MYO1B: variants seen among roughly 807,000 people sequenced by gnomAD.
MYO1B encodes myosin IB.
Under a neutral mutation model 159.7 loss-of-function variants are expected in MYO1B, and 72 were observed. That is an observed-to-expected ratio of 0.45 (90% CI 0.37 to 0.55). The LOEUF is 0.55. MYO1B is among the 20% of genes least tolerant of loss of function. MYO1B has a pLI of 0.00. For synonymous variants in MYO1B, 468 were observed against 473.8 expected (o/e 0.99, Z 0.16); for missense variants, 1,062 against 1,364.8 (o/e 0.78, Z 3.50).
At chr2:191,354,476 T>G (rs111736003) in intron 7 of MYO1B, among the ~76,000 whole-genome samples, 3,984 of 151,810 alleles carry the variant, frequency 0.026, 168 homozygotes, top group African/African-American at 0.089. Context: ...TCCCAGAAAG[T>G]CAAACAAAAT....
At chr2:191,305,841 G>A (rs1315217024) in intron 3 of MYO1B, among the ~76,000 whole-genome samples, 2 of 152,102 alleles carry the variant, frequency 1.3e-5, no homozygotes. Context: ...CTAGGAGATG[G>A]GATGGAGGAC....
chr2:191,281,831 G>A (rs1049732590), intron 2 of MYO1B, among the ~76,000 whole-genome samples: 8 of 152,156 alleles, frequency 5.3e-5, no homozygotes, highest in Non-Finnish European at 1.0e-4. Flanking sequence ...TATCTGAATT[G>A]TAAGATTGGG....
At chr2:191,313,192 C>CTTTTTTTTTTTTTTTTTTTTTGTTTTTT (rs1690118684) in intron 3 of MYO1B, among the ~76,000 whole-genome samples, 1 of 42,992 alleles carries the variant, frequency 2.3e-5, no homozygotes, top group Non-Finnish European at 3.7e-5. Flanking sequence ...GCACACATGG[C>CTTTTTTTTTTTTTTTTTTTTTGTTTTTT]TTTTTTTTTT....
chr2:191,414,816 T>A, intron 29 of MYO1B, 147 bp downstream of exon 29: 1 of 706,996 alleles, frequency 1.4e-6, no homozygotes, highest in Non-Finnish European at 2.1e-6. Context: ...AATCTCCGAC[T>A]CAGTTTTTCA....
In MYO1B at chr2:191,313,192, CTTTTTTTTTTTTTTTTT is replaced by C. The variant is rs762175060; in HGVS notation, c.252-16724_252-16708del. On this transcript the variant is annotated intron_variant, in intron 3 of 30. Transcript: ENST00000392318. ...TAGTTATAATATCTGGCACACATGGCTTTTTTTTTTTTTTTTTTTTTTTTTTTTTTTTTTTGAGACGG... is the reference window on the plus strand; with the variant it reads ...TAGTTATAATATCTGGCACACATGGCTTTTTTTTTTTTTTTTTTGAGACGG... Among the ~76,000 whole-genome samples, 55 of 43,012 alleles carry C rather than the reference CTTTTTTTTTTTTTTTTT, an allele frequency of 1.3e-3. 1 individual carries two copies. The highest frequency in any genetic ancestry group is 3.0e-3 in the African/African-American group (27 of 9,040). 28.2% of individuals were successfully genotyped at this position (43,012 alleles called of 152,430 possible).
chr2:191,419,532 T>TA (rs753817742), intron 30 of MYO1B, among the ~76,000 whole-genome samples: 20 of 152,248 alleles, frequency 1.3e-4, no homozygotes, highest in Non-Finnish European at 2.8e-4. Context: ...CTGTACTTTT[T>TA]ATCTTTATTT....
intron 1 of MYO1B, among the ~76,000 whole-genome samples, chr2:191,259,893 G>C (rs2125685717): frequency 1.3e-5 from 2 of 152,262 alleles, no homozygotes. Flanking sequence ...GGAGCTTCAG[G>C]GACTGTTGAA....
At chr2:191,402,265 T>G in intron 23 of MYO1B, 2 of 250,850 alleles carry the variant, frequency 8.0e-6, no homozygotes, top group Non-Finnish European at 1.5e-5. Flanking sequence ...TCTAATGACA[T>G]CATTAGGGCT....
At chr2:191,329,206 T>C (rs1276206131) in intron 3 of MYO1B, among the ~76,000 whole-genome samples, 3 of 152,198 alleles carry the variant, frequency 2.0e-5, no homozygotes, top group Non-Finnish European at 4.4e-5. Context: ...GGACCACTGC[T>C]CTGGCCTTAC....
intron 1 of MYO1B, among the ~76,000 whole-genome samples, chr2:191,259,078 C>A (rs4853462): frequency 0.54 from 82,188 of 152,126 alleles, 25,742 homozygotes; most frequent in Non-Finnish European, 0.68. Flanking sequence ...CCAGCTTTAC[C>A]GTTTGCTGTC....
At chr2:191,266,526 A>G (rs1173718574) in intron 1 of MYO1B, among the ~76,000 whole-genome samples, 1 of 152,174 alleles carries the variant, frequency 6.6e-6, no homozygotes, top group African/African-American at 2.4e-5. Flanking sequence ...AAAATGGTGC[A>G]GTGTTGTGAA....
chr2:191,375,470 AAGATAGATAGATAGAT>A (rs149225477), intron 13 of MYO1B, among the ~76,000 whole-genome samples: 75 of 146,360 alleles, frequency 5.1e-4, no homozygotes, highest in Middle Eastern at 7.0e-3. Context: ...TGATTTGTAA[AAGATAGATAGATAGAT>A]AGATAGATAG....
chr2:191,285,194 A>G (rs932986735), intron 2 of MYO1B, among the ~76,000 whole-genome samples: 1 of 152,228 alleles, frequency 6.6e-6, no homozygotes, highest in Non-Finnish European at 1.5e-5. Context: ...TTTGGAAAAT[A>G]CTTGTCTCGT....
chr2:191,284,305 A>G (rs974152321), intron 2 of MYO1B, among the ~76,000 whole-genome samples: 1 of 152,188 alleles, frequency 6.6e-6, no homozygotes, highest in East Asian at 1.9e-4. Flanking sequence ...CCTAATTTCT[A>G]AAGAGAGGCT....
chr2:191,304,282 T>G (rs1446973616), intron 3 of MYO1B, among the ~76,000 whole-genome samples: 1 of 152,206 alleles, frequency 6.6e-6, no homozygotes, highest in African/African-American at 2.4e-5. Flanking sequence ...TCAAAACAGC[T>G]TCTTTCAGCC....
At chr2:191,279,310 T>C (rs557192689) in intron 2 of MYO1B, among the ~76,000 whole-genome samples, 6 of 152,264 alleles carry the variant, frequency 3.9e-5, no homozygotes, top group African/African-American at 1.4e-4. Flanking sequence ...TGTAAAGTAA[T>C]GCGTATAGTA....
At chr2:191,423,715 AGGT>A in intron 30 of MYO1B, 119 bp from the exon 31 acceptor site, 1 of 997,460 alleles carries the variant, frequency 1.0e-6, no homozygotes, top group Non-Finnish European at 1.4e-6. Context: ...TTTTCGGATT[AGGT>A]TAGGGATGCG....
chr2:191,402,055 G>C (rs186266822), intron 23 of MYO1B: 1 of 152,300 alleles, frequency 6.6e-6, no homozygotes, highest in African/African-American at 2.4e-5. Flanking sequence ...ATTTTTACAC[G>C]TGCCAGTTTT....
chr2:191,400,073 C>T (rs929402553), intron 21 of MYO1B, among the ~76,000 whole-genome samples: 1 of 152,140 alleles, frequency 6.6e-6, no homozygotes, highest in Non-Finnish European at 1.5e-5. Flanking sequence ...TCCTCTGGCC[C>T]CTTTCTGAGA....
Sources: allele counts gnomAD v4.1 joint callset (sites outside exome capture counted in the v4.1 genomes callset), GRCh38; gene constraint gnomAD v4.1.1; transcripts MANE v1.5; gene names NCBI Gene and HGNC (gene_info 2026-07-23, HGNC 2026-07-21).